FBXL7: variants seen among roughly 807,000 people sequenced by gnomAD.
FBXL7 encodes F-box/LRR-repeat protein 7.
In FBXL7, 12 loss-of-function variants were observed where a neutral mutation model predicts 38.3. The observed-to-expected ratio is 0.31, with a 90% CI of 0.20 to 0.51. FBXL7 has a LOEUF of 0.51. FBXL7 is among the 20% of genes least tolerant of loss of function. The pLI is 0.98. For missense variants in FBXL7, 567 were observed against 676.4 expected (o/e 0.84, Z 1.79); for synonymous variants, 297 against 300.9 (o/e 0.99, Z 0.13).
chr5:15,502,877 A>G (rs1429119856), intron 1 of FBXL7, among the ~76,000 whole-genome samples: 1 of 152,212 alleles, frequency 6.6e-6, no homozygotes, highest in African/African-American at 2.4e-5. Context: ...TAGACATAGT[A>G]TCTTTATTAT....
At chr5:15,643,989 TTTCA>T (rs1410740521) in intron 2 of FBXL7, among the ~76,000 whole-genome samples, 2 of 152,170 alleles carry the variant, frequency 1.3e-5, no homozygotes, top group African/African-American at 4.8e-5. Context: ...CACTTCGTAC[TTTCA>T]TTCATTAAGA....
At chr5:15,705,862 AT>A (rs545628128) in intron 2 of FBXL7, among the ~76,000 whole-genome samples, 11 of 152,190 alleles carry the variant, frequency 7.2e-5, no homozygotes, top group South Asian at 4.1e-4. Flanking sequence ...AAATAAATAA[AT>A]TTTTTTAACA....
At chr5:15,838,993 T>G (rs900379014) in intron 2 of FBXL7, among the ~76,000 whole-genome samples, 1 of 152,224 alleles carries the variant, frequency 6.6e-6, no homozygotes, top group Non-Finnish European at 1.5e-5. Context: ...TTTGCTTGTT[T>G]GTTTTTAAAA....
chr5:15,615,892 G>A (rs1300133816), intron 1 of FBXL7, 91 bp from the exon 2 acceptor site: 3 of 757,274 alleles, frequency 4.0e-6, no homozygotes, highest in Non-Finnish European at 6.6e-6. Context: ...CTTGGAAACT[G>A]GTGATATGGC....
intron 1 of FBXL7, among the ~76,000 whole-genome samples, chr5:15,600,479 T>C (rs946122503): frequency 4.6e-5 from 7 of 152,178 alleles, no homozygotes; most frequent in African/African-American, 1.7e-4. Context: ...GTTCATTTGG[T>C]AGGGGGCCTT....
At chr5:15,860,162 A>T (rs1739416001) in intron 2 of FBXL7, among the ~76,000 whole-genome samples, 1 of 152,242 alleles carries the variant, frequency 6.6e-6, no homozygotes, top group Non-Finnish European at 1.5e-5. Context: ...TAGGGAAAAT[A>T]TATAGGCATA....
intron 2 of FBXL7, among the ~76,000 whole-genome samples, chr5:15,881,487 G>A (rs1191488343): frequency 6.6e-6 from 1 of 152,154 alleles, no homozygotes; most frequent in Non-Finnish European, 1.5e-5. Flanking sequence ...CTATAAATAT[G>A]CATGTGCAAG....
At chr5:15,672,002 C>T (rs1002491659) in intron 2 of FBXL7, among the ~76,000 whole-genome samples, 2 of 152,206 alleles carry the variant, frequency 1.3e-5, no homozygotes, top group Non-Finnish European at 2.9e-5. Context: ...ATCCCTGTTA[C>T]TGGGAGCTTC....
rs943551410 is a variant in FBXL7, at chr5:15,936,069, A to G, written c.740-381A>G. On this transcript the variant is annotated intron_variant, in intron 3 of 3. Transcript: ENST00000504595. The surrounding 1 kb of genome is among the most constrained non-coding windows in gnomAD (Gnocchi z 6.0). ...TTTCCAGGGCCAAGGCAAGATATTT[A>G]CACACATCCTCTCATTACTCCATCC... Among the ~76,000 whole-genome samples, 3 of 152,188 alleles carry G rather than the reference A, an allele frequency of 2.0e-5. No individual in the cohort carries two copies. The highest frequency in any genetic ancestry group is 2.9e-5 in the Non-Finnish European group (2 of 68,036).
intron 2 of FBXL7, among the ~76,000 whole-genome samples, chr5:15,791,072 G>GC (rs1737262645): frequency 8.4e-5 from 2 of 23,690 alleles, no homozygotes; most frequent in African/African-American, 2.1e-4. Flanking sequence ...TTGTGTAAAA[G>GC]GGGGGGGGGG....
At chr5:15,798,998 G>T (rs1328345895) in intron 2 of FBXL7, among the ~76,000 whole-genome samples, 1 of 152,202 alleles carries the variant, frequency 6.6e-6, no homozygotes, top group Non-Finnish European at 1.5e-5. Flanking sequence ...TGCAGGAGTT[G>T]ATTGCAAATA....
At chr5:15,569,519 A>G (rs1353769018) in intron 1 of FBXL7, among the ~76,000 whole-genome samples, 1 of 151,452 alleles carries the variant, frequency 6.6e-6, no homozygotes, top group Admixed American at 6.6e-5. Flanking sequence ...CTAGATATAC[A>G]ATCATGTCAT....
At chr5:15,519,933 G>A (rs1029562560) in intron 1 of FBXL7, among the ~76,000 whole-genome samples, 1 of 152,172 alleles carries the variant, frequency 6.6e-6, no homozygotes, top group African/African-American at 2.4e-5. Flanking sequence ...GAAAGTAGAT[G>A]AGTAAAAGAG....
intron 2 of FBXL7, among the ~76,000 whole-genome samples, chr5:15,820,071 A>G (rs909512852): frequency 6.6e-6 from 1 of 152,220 alleles, no homozygotes; most frequent in Admixed American, 6.5e-5. Flanking sequence ...GAGGATTGCA[A>G]TGCAAAAACA....
intron 1 of FBXL7, among the ~76,000 whole-genome samples, chr5:15,517,648 T>C (rs1308305830): frequency 6.6e-6 from 1 of 152,130 alleles, no homozygotes; most frequent in Non-Finnish European, 1.5e-5. Context: ...CAGGAGAGTC[T>C]GTGGCAAATG....
intron 2 of FBXL7, among the ~76,000 whole-genome samples, chr5:15,894,062 C>T (rs913428962): frequency 2.6e-5 from 4 of 152,184 alleles, no homozygotes; most frequent in Non-Finnish European, 5.9e-5. Flanking sequence ...CCAAGGCGGG[C>T]GGTCGGGAGT....
At chr5:15,781,434 TGTGTGTGTGTGTGTGCGCGCGC>T (rs1054937941) in intron 2 of FBXL7, among the ~76,000 whole-genome samples, 10 of 149,378 alleles carry the variant, frequency 6.7e-5, no homozygotes, top group South Asian at 6.6e-4. Context: ...ATTGTGTGAG[TGTGTGTGTGTGTGTGCGCGCGC>T]GTGTGTGTGT....
chr5:15,706,538 TG>T (rs1453760004), intron 2 of FBXL7, among the ~76,000 whole-genome samples: 3 of 152,156 alleles, frequency 2.0e-5, no homozygotes, highest in Non-Finnish European at 2.9e-5. Flanking sequence ...TGGGATACAA[TG>T]TGTAGAGAAA....
intron 1 of FBXL7, among the ~76,000 whole-genome samples, chr5:15,539,791 C>T (rs1254482108): frequency 6.6e-6 from 1 of 151,820 alleles, no homozygotes; most frequent in South Asian, 2.1e-4. Context: ...TGGCACTCTG[C>T]GTTTAACTCA....
Sources: allele counts gnomAD v4.1 joint callset (sites outside exome capture counted in the v4.1 genomes callset), GRCh38; gene constraint gnomAD v4.1.1; non-coding constraint Gnocchi (gnomAD v3.1); transcripts MANE v1.5; gene names NCBI Gene and HGNC (gene_info 2026-07-23, HGNC 2026-07-21).